MICAL3: variants seen among roughly 807,000 people sequenced by gnomAD.
MICAL3 encodes microtubule associated monooxygenase, calponin and LIM domain containing 3.
Under a neutral mutation model 207.4 loss-of-function variants are expected in MICAL3, and 62 were observed. The observed-to-expected ratio is 0.30, with a 90% confidence interval of 0.24 to 0.37. The LOEUF (loss-of-function observed/expected upper bound fraction) is 0.37, where lower values mean the gene tolerates loss of function less well. Among genes scored for constraint, MICAL3 ranks in the 10% least tolerant of loss-of-function variants. MICAL3 has a pLI of 1.00. For synonymous variants in MICAL3, 1,077 were observed against 1,069.3 expected, an observed-to-expected ratio of 1.01 and a Z score of -0.14; for missense variants, 2,368 against 2,635.6, an observed-to-expected ratio of 0.90 and a Z score of 2.22.
intron 20 of MICAL3, among the ~76,000 whole-genome samples, chr22:17,835,707 G>T (rs975018575): frequency 7.9e-5 from 12 of 152,244 alleles, no homozygotes; most frequent in African/African-American, 2.2e-4. Flanking sequence ...CAGGAGGGAC[G>T]GGGTCAGATC....
intron 17 of MICAL3, among the ~76,000 whole-genome samples, chr22:17,866,613 CAGAATAGAATAGAAT>C (rs60628065): frequency 0.014 from 1,927 of 136,272 alleles, 39 homozygotes; most frequent in East Asian, 0.051. Context: ...TAGAACAGAA[CAGAATAGAATAGAAT>C]AGAATAGAAT....
intron 16 of MICAL3, among the ~76,000 whole-genome samples, chr22:17,885,126 A>C (rs1287783224): frequency 1.3e-5 from 2 of 152,182 alleles, no homozygotes; most frequent in Non-Finnish European, 1.5e-5. Flanking sequence ...CCTAACCAAG[A>C]CACCCCAAGC....
At chr22:17,843,070 G>A (rs1038001320) in intron 19 of MICAL3, among the ~76,000 whole-genome samples, 2 of 138,330 alleles carry the variant, frequency 1.4e-5, no homozygotes, top group African/African-American at 5.6e-5. Flanking sequence ...GCAGTGAACC[G>A]AGATTGCGCC....
intron 1 of MICAL3, among the ~76,000 whole-genome samples, chr22:18,015,132 A>T (rs1252178373): frequency 6.6e-6 from 1 of 152,210 alleles, no homozygotes; most frequent in Non-Finnish European, 1.5e-5. Flanking sequence ...AGATATTCAC[A>T]AACTACCTGC....
chr22:17,898,651 G>A (rs1931066616), intron 7 of MICAL3, among the ~76,000 whole-genome samples: 1 of 152,214 alleles, frequency 6.6e-6, no homozygotes, highest in Non-Finnish European at 1.5e-5. Flanking sequence ...CTCTGCTTCT[G>A]TTTTTCTCAT....
intron 19 of MICAL3, chr22:17,863,068 T>C: frequency 3.0e-6 from 3 of 985,430 alleles, no homozygotes; most frequent in Non-Finnish European, 2.4e-6. Context: ...ATGTAGAACA[T>C]TCTTCCTCTT....
intron 19 of MICAL3, among the ~76,000 whole-genome samples, chr22:17,846,905 T>A (rs1254428789): frequency 6.6e-6 from 1 of 152,198 alleles, no homozygotes; most frequent in Non-Finnish European, 1.5e-5. Context: ...GGAAAGAGGC[T>A]CTGGGCCGCA....
intron 19 of MICAL3, among the ~76,000 whole-genome samples, chr22:17,853,915 G>A (rs769969225): frequency 2.6e-5 from 4 of 152,190 alleles, no homozygotes; most frequent in East Asian, 1.9e-4. Context: ...ACAGGGTCCC[G>A]ACGTGTGAGA....
intron 19 of MICAL3, chr22:17,861,907 T>A (rs942117045): frequency 2.0e-6 from 2 of 985,180 alleles, no homozygotes; most frequent in South Asian, 4.7e-5. Flanking sequence ...GAACTGCAGG[T>A]TGTAATTGGG....
In MICAL3 at chr22:17,967,463, AAC is replaced by A. The variant is rs71184751; in HGVS notation, c.-75+56816_-75+56817del. On this transcript the variant is annotated intron_variant, in intron 1 of 31. Transcript: ENST00000441493. ...TTGGCCACTGGGCAGTGTACATGCA[AAC>A]ACACACACACACACACACACACACA... Among the ~76,000 whole-genome samples, 760 of 126,116 alleles carry A rather than the reference AAC, an allele frequency of 6.0e-3. 5 individuals are homozygous for A. The highest frequency in any genetic ancestry group is 9.7e-3 in the Middle Eastern group (2 of 206). 82.7% of individuals were successfully genotyped at this position (126,116 alleles called of 152,430 possible).
chr22:18,022,553 C>T (rs570827777), intron 1 of MICAL3, among the ~76,000 whole-genome samples: 122 of 152,148 alleles, frequency 8.0e-4, no homozygotes, highest in African/African-American at 2.7e-3. Flanking sequence ...CTCAGCCTCC[C>T]GAGTAGCTGG....
chr22:17,893,339 T>C lies in MICAL3; in HGVS notation c.1546+469A>G, dbSNP rs5992894. 9.0e-3 allele frequency among the ~76,000 whole-genome samples: 1,369 copies of C among 152,276 alleles called. 19 individuals are homozygous for C. The highest frequency in any genetic ancestry group is 0.029 in the African/African-American group (1,208 of 41,532). On this transcript the variant is annotated intron_variant, in intron 11 of 31. Transcript: ENST00000441493. ...CATGTCATTCTCTTTCAAAAAAGTA[T>C]TCAGGGCCTTCAATACATACAAAAT... is the stretch of plus-strand genomic sequence containing the variant.
In MICAL3 at chr22:17,891,536, T is replaced by TAG. The variant is rs780915291; in HGVS notation, c.1642_1643insCT (p.Lys548ThrfsTer18). 1 of 1,614,024 alleles carries TAG rather than the reference T, an allele frequency of 6.2e-7. No individual in the cohort carries two copies. Among genetic ancestry groups the TAG allele is most frequent in the Non-Finnish European group, 8.5e-7 (1 of 1,179,880 alleles). On this transcript the variant is annotated frameshift_variant, in exon 12 of 32. Transcript: ENST00000441493. LOFTEE classifies it high-confidence loss of function. ...AATTGCACAAAGGGCCAAGCCACTT[T>TAG]TCCAGGACATGGTGAGATCTGTCAC... is the stretch of plus-strand genomic sequence containing the variant.
intron 29 of MICAL3, chr22:17,791,801 G>C (rs949347034): frequency 6.1e-6 from 1 of 163,706 alleles, no homozygotes; most frequent in African/African-American, 2.4e-5. Flanking sequence ...TAGATGCCTT[G>C]TCCATTTGTT....
At chr22:17,905,568 G>T (rs900505072) in intron 2 of MICAL3, among the ~76,000 whole-genome samples, 1 of 152,170 alleles carries the variant, frequency 6.6e-6, no homozygotes, top group Non-Finnish European at 1.5e-5. Flanking sequence ...TACAGTTCTT[G>T]AATTTTGCTG....
chr22:17,863,914 C>T (rs1926786691), intron 19 of MICAL3: 12 of 985,440 alleles, frequency 1.2e-5, no homozygotes, highest in Non-Finnish European at 1.4e-5. Flanking sequence ...TTGTATATAG[C>T]TGCTTGAGAT....
At chr22:17,923,147 G>A (rs1340986201) in intron 1 of MICAL3, among the ~76,000 whole-genome samples, 1 of 152,128 alleles carries the variant, frequency 6.6e-6, no homozygotes, top group Non-Finnish European at 1.5e-5. Flanking sequence ...TAACAAGCTT[G>A]CTTTCTTCTG....
chr22:17,963,531 C>G (rs1935011361), intron 1 of MICAL3, among the ~76,000 whole-genome samples: 1 of 152,120 alleles, frequency 6.6e-6, no homozygotes, highest in Non-Finnish European at 1.5e-5. Flanking sequence ...GTTCCTTACC[C>G]TGCCACGGCC....
chr22:17,807,915 G>A (rs1295114940), intron 29 of MICAL3, among the ~76,000 whole-genome samples: 2 of 152,242 alleles, frequency 1.3e-5, no homozygotes, highest in African/African-American at 4.8e-5. Context: ...TTCATCCCCA[G>A]CTCACAATTT....
Sources: allele counts gnomAD v4.1 joint callset (sites outside exome capture counted in the v4.1 genomes callset), GRCh38; gene constraint gnomAD v4.1.1; transcripts MANE v1.5; gene names NCBI Gene and HGNC (gene_info 2026-07-23, HGNC 2026-07-21).